Variants in ADGRL2 observed in about 807,000 individuals in gnomAD.
ADGRL2 encodes the protein calcium-independent alpha-latrotoxin receptor 2.
In ADGRL2, 44 loss-of-function variants were observed where a neutral mutation model predicts 157.4. The observed-to-expected ratio is 0.28, with a 90% CI of 0.22 to 0.36. The LOEUF (loss-of-function observed/expected upper bound fraction) is 0.36. ADGRL2 is among the 10% of genes least tolerant of loss of function. The pLI, the probability that ADGRL2 is intolerant of heterozygous loss-of-function variation, is 1.00. For synonymous variants in ADGRL2, 585 were observed against 624.7 expected, an observed-to-expected ratio of 0.94 and a Z score of 0.95; for missense variants, 1,510 against 1,768.9, an observed-to-expected ratio of 0.85 and a Z score of 2.63.
At chr1:81,814,596 A>C (rs983303235) in intron 1 of ADGRL2, among the ~76,000 whole-genome samples, 1 of 151,416 alleles carries the variant, frequency 6.6e-6, no homozygotes, top group African/African-American at 2.4e-5. Flanking sequence ...AAAATATTTT[A>C]AATTGCTCTT....
rs963964149 is a variant in ADGRL2 at position 81,622,114 on chromosome 1, CT to C, written c.-143+41141del. ...GAAGCTAGGACTTTTTTAATGATAA[CT>C]TTTTTTCTCATCATTACAGAACTAA... On this transcript the variant is annotated intron_variant, in intron 3 of 24. Transcript: ENST00000370721. 2.0e-5 allele frequency among the ~76,000 whole-genome samples: 3 copies of C among 152,080 alleles called. No individual in the cohort carries two copies. In the East Asian group the frequency reaches 5.8e-4, roughly 29 times the overall value.
chr1:81,699,640 A>C (rs1490967316), upstream of ADGRL2: 1 of 152,180 alleles, frequency 6.6e-6, no homozygotes, highest in African/African-American at 2.4e-5. Context: ...GAAATTCCTG[A>C]CGAAACACAG....
intron 3 of ADGRL2, among the ~76,000 whole-genome samples, chr1:81,659,052 ATTTTTTTT>A (rs55832240): frequency 8.3e-5 from 5 of 60,560 alleles, no homozygotes; most frequent in East Asian, 5.6e-4. Flanking sequence ...ACACCCAGCA[ATTTTTTTT>A]TTTTTTTTTT....
chr1:81,854,629 G>A (rs2093138656), intron 2 of ADGRL2, among the ~76,000 whole-genome samples: 1 of 152,122 alleles, frequency 6.6e-6, no homozygotes, highest in Non-Finnish European at 1.5e-5. Context: ...AGTGTGCTAG[G>A]TATGGGTATT....
intron 1 of ADGRL2, among the ~76,000 whole-genome samples, chr1:81,396,173 T>C (rs2076651760): frequency 6.6e-6 from 1 of 152,214 alleles, no homozygotes; most frequent in Non-Finnish European, 1.5e-5. Flanking sequence ...TCCTCTACAA[T>C]TTCTTTCATC....
intron 1 of ADGRL2, among the ~76,000 whole-genome samples, chr1:81,321,666 G>A (rs1041664776): frequency 4.6e-5 from 7 of 151,950 alleles, no homozygotes; most frequent in South Asian, 4.2e-4. Context: ...TTAAATTCAC[G>A]GTCTTACATG....
At chr1:81,568,797 A>C (rs1016862906) in intron 2 of ADGRL2, among the ~76,000 whole-genome samples, 1 of 152,148 alleles carries the variant, frequency 6.6e-6, no homozygotes, top group Non-Finnish European at 1.5e-5. Flanking sequence ...TGAATTATTC[A>C]ATTCATTTTT....
chr1:81,879,569 TATA>T (rs2093933210), intron 2 of ADGRL2, among the ~76,000 whole-genome samples: 1 of 151,372 alleles, frequency 6.6e-6, no homozygotes, highest in South Asian at 2.1e-4. Context: ...CAGGTAGATT[TATA>T]ATGAGAAAGA....
chr1:81,335,148 G>A (rs894875446), intron 1 of ADGRL2, among the ~76,000 whole-genome samples: 1 of 152,038 alleles, frequency 6.6e-6, no homozygotes, highest in African/African-American at 2.4e-5. Flanking sequence ...ATTCTTCCAA[G>A]GCCTTATGAA....
chr1:81,459,297 T>C (rs764718404), intron 2 of ADGRL2, among the ~76,000 whole-genome samples: 2 of 152,110 alleles, frequency 1.3e-5, no homozygotes, highest in Non-Finnish European at 2.9e-5. Flanking sequence ...TAGGAATCTG[T>C]CTGTCTCCTG....
At chr1:81,439,798 C>G (rs1034672781) in intron 1 of ADGRL2, among the ~76,000 whole-genome samples, 6 of 152,246 alleles carry the variant, frequency 3.9e-5, no homozygotes, top group African/African-American at 1.4e-4. Context: ...CCACTGATGG[C>G]AAAGGGCTGG....
rs1039025271 is a variant in ADGRL2, at chr1:81,429,049, T to C, written c.-301-15987T>C. Among the ~76,000 whole-genome samples, 5 of 152,180 alleles carry C rather than the reference T, an allele frequency of 3.3e-5. No homozygotes were observed. In the East Asian group the frequency reaches 9.6e-4, roughly 29 times the overall value. ...AAGAAGTCTGAACCACCTATTCACA[T>C]TCCCATATAGCATAAGAAATTTGAA... On this transcript the variant is annotated intron_variant, in intron 1 of 24. Transcript: ENST00000370721.
chr1:81,638,313 A>C (rs979684728), intron 3 of ADGRL2, among the ~76,000 whole-genome samples: 2 of 152,194 alleles, frequency 1.3e-5, no homozygotes, highest in Non-Finnish European at 2.9e-5. Flanking sequence ...GAGAAAGGTC[A>C]GAAACTCAGA....
At chr1:81,368,397 T>A (rs2100967930) in intron 1 of ADGRL2, among the ~76,000 whole-genome samples, 1 of 152,352 alleles carries the variant, frequency 6.6e-6, no homozygotes, top group South Asian at 2.1e-4. Context: ...TTAATCACTT[T>A]CCAAGTCTTG....
chr1:81,646,085 C>T (rs746405626), intron 3 of ADGRL2, among the ~76,000 whole-genome samples: 13 of 152,144 alleles, frequency 8.5e-5, no homozygotes, highest in Non-Finnish European at 1.6e-4. Flanking sequence ...TCTCACTCAT[C>T]GCAGTGTCCT....
intron 3 of ADGRL2, among the ~76,000 whole-genome samples, chr1:81,918,723 A>G (rs2050911): frequency 0.24 from 37,259 of 152,098 alleles, 5,061 homozygotes; most frequent in Middle Eastern, 0.35. Context: ...GCAACATTAT[A>G]GAAAGTAAAC....
At chr1:81,485,659 G>A (rs1053405695) in intron 2 of ADGRL2, among the ~76,000 whole-genome samples, 1 of 152,218 alleles carries the variant, frequency 6.6e-6, no homozygotes, top group East Asian at 1.9e-4. Context: ...TTGCTGTAGG[G>A]TGCACACAGG....
intron 2 of ADGRL2, among the ~76,000 whole-genome samples, chr1:81,867,872 G>A (rs950537663): frequency 3.3e-5 from 5 of 151,794 alleles, no homozygotes; most frequent in East Asian, 1.9e-4. Context: ...TCTTTATATC[G>A]TATGGTAACT....
intron 3 of ADGRL2, among the ~76,000 whole-genome samples, chr1:81,632,246 A>G (rs2082023559): frequency 6.6e-6 from 1 of 152,206 alleles, no homozygotes; most frequent in African/African-American, 2.4e-5. Context: ...AAGTAGTGGT[A>G]AAAGTTATGA....
Sources: gnomAD v4.1 joint callset for allele counts (sites outside exome capture counted in the v4.1 genomes callset) on GRCh38, gnomAD v4.1.1 for gene constraint, MANE v1.5 for transcripts, NCBI Gene and HGNC (gene_info 2026-07-23, HGNC 2026-07-21) for gene names.